Variants in KCNMA1 observed in about 807,000 individuals in gnomAD.
The protein encoded by KCNMA1 is Calcium-activated potassium channel subunit alpha-1.
In KCNMA1, 29 loss-of-function variants were observed where a neutral mutation model predicts 140.0. The observed-to-expected ratio is 0.21, with a 90% CI of 0.15 to 0.28. KCNMA1 has a LOEUF of 0.28. Ranked by LOEUF, KCNMA1 falls within the 10% of genes least tolerant of loss-of-function variation. KCNMA1 has a pLI of 1.00. For missense variants in KCNMA1, 880 were observed against 1,602.2 expected, an observed-to-expected ratio of 0.55 and a Z score of 7.70; for synonymous variants, 612 against 611.9, an observed-to-expected ratio of 1.00 and a Z score of 0.00.
chr10:77,305,539 G>C (rs184249237), intron 2 of KCNMA1, among the ~76,000 whole-genome samples: 1 of 152,156 alleles, frequency 6.6e-6, no homozygotes, highest in Non-Finnish European at 1.5e-5. Context: ...GGTTCTCAGA[G>C]GGGAGCTCTC....
chr10:76,941,344 G>A (rs2062330115), intron 23 of KCNMA1, among the ~76,000 whole-genome samples: 1 of 152,212 alleles, frequency 6.6e-6, no homozygotes, highest in Non-Finnish European at 1.5e-5. Flanking sequence ...GGGCACTCCA[G>A]TTAGTCAAAA....
intron 1 of KCNMA1, among the ~76,000 whole-genome samples, chr10:77,429,437 C>T (rs1446542363): frequency 6.6e-6 from 1 of 152,218 alleles, no homozygotes; most frequent in Non-Finnish European, 1.5e-5. Flanking sequence ...TGTCTCCCAA[C>T]ATGGCCAAAC....
chr10:76,977,902 A>T (rs1184410555), intron 19 of KCNMA1: 1 of 440,636 alleles, frequency 2.3e-6, no homozygotes, highest in African/African-American at 2.0e-5. Flanking sequence ...AATTCCTCGA[A>T]GCTGTCAGCG....
chr10:77,625,778 T>G (rs913971205), intron 1 of KCNMA1, among the ~76,000 whole-genome samples: 2 of 152,228 alleles, frequency 1.3e-5, no homozygotes, highest in Non-Finnish European at 2.9e-5. Flanking sequence ...GCTTCCACCT[T>G]TGGCCATTGT....
intron 23 of KCNMA1, chr10:76,929,909 GAT>G (rs1434652642): frequency 2.4e-5 from 2 of 84,740 alleles, no homozygotes; most frequent in Non-Finnish European, 4.3e-5. Flanking sequence ...AATGAATAAT[GAT>G]GTTCAGAAAA....
intron 5 of KCNMA1, among the ~76,000 whole-genome samples, chr10:77,151,001 T>C (rs1434958170): frequency 1.3e-5 from 2 of 151,810 alleles, no homozygotes; most frequent in Admixed American, 6.6e-5. Flanking sequence ...CCTCTGGAGG[T>C]CACTCAGTAA....
chr10:77,451,252 A>G (rs2097651312), intron 1 of KCNMA1, among the ~76,000 whole-genome samples: 2 of 152,266 alleles, frequency 1.3e-5, no homozygotes, highest in South Asian at 4.2e-4. Context: ...CCGGAATTAA[A>G]CAGGGGGAGA....
chr10:77,595,072 G>A (rs1000776425), intron 1 of KCNMA1, among the ~76,000 whole-genome samples: 3 of 152,194 alleles, frequency 2.0e-5, no homozygotes, highest in South Asian at 2.1e-4. Context: ...GTGGTCGGGC[G>A]CAGTAGCTCA....
At chr10:76,943,859 A>T (rs1200002500) in intron 23 of KCNMA1, among the ~76,000 whole-genome samples, 1 of 152,182 alleles carries the variant, frequency 6.6e-6, no homozygotes, top group Admixed American at 6.5e-5. Flanking sequence ...GACACTTGCC[A>T]AGCTATCAAT....
chr10:77,437,963 A>G (rs1222244848), intron 1 of KCNMA1, among the ~76,000 whole-genome samples: 2 of 152,342 alleles, frequency 1.3e-5, no homozygotes, highest in Non-Finnish European at 1.5e-5. Context: ...CCGGAGGCCA[A>G]GGGTGCAGCT....
chr10:77,190,233 C>T (rs564144580), intron 3 of KCNMA1, among the ~76,000 whole-genome samples: 85 of 152,304 alleles, frequency 5.6e-4, no homozygotes, highest in Non-Finnish European at 9.3e-4. Flanking sequence ...TTCTAAACTG[C>T]CTCATTATGT....
chr10:77,214,691 A>G (rs1053979549), intron 3 of KCNMA1, among the ~76,000 whole-genome samples: 7 of 152,160 alleles, frequency 4.6e-5, no homozygotes, highest in African/African-American at 1.7e-4. Flanking sequence ...CAAACTCCAC[A>G]GATGACCCTA....
rs76150532 is a variant in KCNMA1, at chr10:77,371,216, G to A, written c.540+32646C>T. Among the ~76,000 whole-genome samples, 456 of 152,128 alleles carry A rather than the reference G, an allele frequency of 3.0e-3. 15 individuals carry two copies. The East Asian group carries it at 0.078, about 26-fold the overall frequency. On this transcript the variant is annotated intron_variant, in intron 2 of 27. Transcript: ENST00000286628. The stretch of plus-strand genomic sequence containing the variant: ...TATTTGTCCTGGGTTTGTGGTTCTC[G>A]GGCAAGGTGAACTCTGCTCAGTATG...
chr10:77,550,623 C>T lies in KCNMA1; in HGVS notation c.378+86642G>A, dbSNP rs867129985. Among the ~76,000 whole-genome samples the T allele has an allele frequency of 2.6e-5, 4 of 152,318 alleles. No individual in the cohort carries two copies. In the South Asian group the frequency reaches 8.3e-4, roughly 32 times the overall value. On this transcript the variant is annotated intron_variant, in intron 1 of 27. Coordinates refer to ENST00000286628, the MANE Select transcript of KCNMA1 (RefSeq NM_001161352.2). ...AGGCGTCTCGGCAGACTCAGGCATGCCTCTCCCCAGGGAACCAGGCCGCGT... is the reference window on the plus strand; with the variant it reads ...AGGCGTCTCGGCAGACTCAGGCATGTCTCTCCCCAGGGAACCAGGCCGCGT...
intron 2 of KCNMA1, among the ~76,000 whole-genome samples, chr10:77,357,116 C>G (rs1603378804): frequency 6.6e-6 from 1 of 152,156 alleles, no homozygotes; most frequent in East Asian, 1.9e-4. Flanking sequence ...CCAGTGACAG[C>G]AAGAGACTGA....
intron 9 of KCNMA1, among the ~76,000 whole-genome samples, chr10:77,096,589 G>A (rs2096938717): frequency 1.3e-5 from 2 of 152,122 alleles, no homozygotes; most frequent in Admixed American, 1.3e-4. Context: ...AAAATGCACA[G>A]CTCTGGGCTG....
At chr10:77,628,622 C>T (rs1337348983) in intron 1 of KCNMA1, among the ~76,000 whole-genome samples, 3 of 151,572 alleles carry the variant, frequency 2.0e-5, no homozygotes, top group Non-Finnish European at 4.4e-5. Context: ...AGCCTGCCAG[C>T]CTGGGCAACA....
intron 2 of KCNMA1, among the ~76,000 whole-genome samples, chr10:77,356,991 C>A (rs909480836): frequency 3.9e-5 from 6 of 152,088 alleles, no homozygotes; most frequent in African/African-American, 1.4e-4. Context: ...AGGTAAGAAG[C>A]CAATATGATA....
chr10:77,577,109 C>T (rs2619609), intron 1 of KCNMA1, among the ~76,000 whole-genome samples: 112,493 of 141,980 alleles, frequency 0.79, 42,290 homozygotes, highest in African/African-American at 0.83. Flanking sequence ...CTTTTTTTTT[C>T]TTTCCTCGGC....
Sources: allele counts gnomAD v4.1 joint callset (sites outside exome capture counted in the v4.1 genomes callset), GRCh38; gene constraint gnomAD v4.1.1; transcripts MANE v1.5; gene names NCBI Gene and HGNC (gene_info 2026-07-23, HGNC 2026-07-21).